Variants in SLC25A40 observed in about 807,000 individuals in gnomAD.
SLC25A40 encodes the protein mitochondrial glutathione transporter SLC25A40.
A neutral mutation model predicts 46.5 loss-of-function variants in SLC25A40; 41 were observed. The observed-to-expected ratio is 0.88, with a 90% CI of 0.69 to 1.14. The LOEUF (loss-of-function observed/expected upper bound fraction) is 1.14, where lower values mean the gene tolerates loss of function less well. Ranked by LOEUF, SLC25A40 falls within the 50% of genes most tolerant of loss-of-function variation. The pLI is 0.00. For synonymous variants in SLC25A40, 126 were observed against 127.5 expected, an observed-to-expected ratio of 0.99 and a Z score of 0.08; for missense variants, 386 against 393.6, an observed-to-expected ratio of 0.98 and a Z score of 0.16.
intron 8 of SLC25A40, among the ~76,000 whole-genome samples, chr7:87,846,165 T>C (rs955157981): frequency 6.6e-6 from 1 of 152,178 alleles, no homozygotes; most frequent in African/African-American, 2.4e-5. Flanking sequence ...TAGGTTAAAC[T>C]AAACAATATA....
intron 10 of SLC25A40, 127 bp from the exon 11 acceptor site, chr7:87,836,937 C>T: frequency 6.4e-6 from 3 of 469,574 alleles, no homozygotes; most frequent in Non-Finnish European, 1.1e-5. Flanking sequence ...GGTTTGTTTA[C>T]CTAAAAAGCT....
intron 2 of SLC25A40, among the ~76,000 whole-genome samples, chr7:87,860,331 A>T (rs1422713233): frequency 6.6e-6 from 1 of 152,216 alleles, no homozygotes; most frequent in Non-Finnish European, 1.5e-5. Context: ...TTCTCTGTCA[A>T]ATTACATATA....
chr7:87,847,116 G>A lies in SLC25A40; in HGVS notation c.464C>T (p.Ala155Val). ...TTCTAGTGGACTTATCACAGTTACT[G>A]CACCAACTAATACAAACAAGTTAAA... ...IVAGIVARFG[A>V]VTVISPLELI... is the part of the protein sequence containing the mutation. The change falls in exon 8 of 12, where the codon GCA becomes GTA. Residue 155 changes from alanine (A) to valine (V), a missense_variant. Ala to Val is a moderately conservative substitution (Grantham distance 64). Transcript: ENST00000341119. The A allele has an allele frequency of 3.1e-6, 5 of 1,600,854 alleles. No homozygotes were observed. The highest frequency in any genetic ancestry group is 1.1e-5 in the South Asian group (1 of 89,706).
At chr7:87,868,352 G>A (rs1838839049) in intron 1 of SLC25A40, among the ~76,000 whole-genome samples, 1 of 152,152 alleles carries the variant, frequency 6.6e-6, no homozygotes, top group East Asian at 1.9e-4. Context: ...AAATGTTTGG[G>A]GGTGAGGAGT....
chr7:87,868,063 T>C (rs1838833259), intron 1 of SLC25A40, among the ~76,000 whole-genome samples: 1 of 151,770 alleles, frequency 6.6e-6, no homozygotes, highest in African/African-American at 2.4e-5. Context: ...TCCCCACCTT[T>C]TACTCTGCCT....
chr7:87,840,494 T>TAC (rs1004401347), intron 10 of SLC25A40, among the ~76,000 whole-genome samples: 2 of 151,768 alleles, frequency 1.3e-5, no homozygotes, highest in African/African-American at 4.8e-5. Flanking sequence ...TGACCACCAC[T>TAC]ACCTCAATGC....
At chr7:87,855,027 T>G (rs1257226317) in intron 4 of SLC25A40, among the ~76,000 whole-genome samples, 1 of 151,746 alleles carries the variant, frequency 6.6e-6, no homozygotes, top group Admixed American at 6.6e-5. Flanking sequence ...CTGGGTGTGA[T>G]GGCACGTGCC....
At chr7:87,851,814 A>T (rs1838516544) in intron 5 of SLC25A40, among the ~76,000 whole-genome samples, 1 of 152,230 alleles carries the variant, frequency 6.6e-6, no homozygotes, top group East Asian at 1.9e-4. Context: ...AGAAAAAGAC[A>T]GCTAAAATAG....
chr7:87,836,770 C>T lies in SLC25A40; in HGVS notation c.864G>A (p.Lys288=), dbSNP rs1838262826. The T allele has an allele frequency of 6.5e-7, 1 of 1,541,484 alleles. No individual in the cohort carries two copies. Among genetic ancestry groups the T allele is most frequent in the Non-Finnish European group, 8.7e-7 (1 of 1,149,610 alleles). The change falls in exon 11 of 12, where the codon AAG becomes AAA. Residue 288 remains lysine (K), a synonymous_variant. Transcript: ENST00000341119. ...PLHMSTWIIM[K]NIVAKNGFSG... is the part of the protein sequence containing the mutation. ...AAAATCCATTTTTAGCAACAATGTT[C>T]TTCATTATAATCCAGGTTGACATAT...
At position 87,833,790 on chromosome 7, in the gene SLC25A40, A is replaced by ATTAG. The variant is rs1308364848; in HGVS notation, c.*2455_*2458dup. ...CACCCAGGTATTAAGCCTAGTACCC[A>ATTAG]TTAGTTATTTTTCCTGTTCCTCTCC... On this transcript the variant is annotated 3_prime_UTR_variant, in exon 12 of 12. Transcript: ENST00000341119. 1 of 151,862 alleles carries ATTAG rather than the reference A, an allele frequency of 6.6e-6. No individual in the cohort carries two copies. Among genetic ancestry groups the ATTAG allele is most frequent in the Non-Finnish European group, 1.5e-5 (1 of 67,892 alleles). 9.4% of individuals were successfully genotyped at this position (151,862 alleles called of 1,614,324 possible).
chr7:87,836,265 C>G lies in SLC25A40; in HGVS notation c.1001G>C (p.Arg334Pro). The G allele has an allele frequency of 6.3e-7, 1 of 1,584,170 alleles. No homozygotes were observed. The highest frequency in any genetic ancestry group is 8.6e-7 in the Non-Finnish European group (1 of 1,168,008). The change falls in exon 12 of 12, where the codon CGA (arginine) becomes CCA (proline). Residue 334 changes from arginine to proline, a missense_variant. Arg to Pro is a moderately radical substitution (Grantham distance 103). Coordinates refer to ENST00000341119, the MANE Select transcript of SLC25A40 (RefSeq NM_018843.4). ...ACAGCATCACTAGTATTGCTGCCTTCGAACATTTTGTTTCTGGAAAAAAGC... is the reference window on the plus strand; with the variant it reads ...ACAGCATCACTAGTATTGCTGCCTTGGAACATTTTGTTTCTGGAAAAAAGC... ...GKAFFQKQNV[R>P]RQQY
chr7:87,870,445 G>A (rs545478574), intron 1 of SLC25A40, among the ~76,000 whole-genome samples: 3 of 152,244 alleles, frequency 2.0e-5, no homozygotes, highest in Non-Finnish European at 4.4e-5. Flanking sequence ...GATGATGATA[G>A]GGACAAGAGG....
At chr7:87,859,147 G>A (rs1399733480) in intron 2 of SLC25A40, among the ~76,000 whole-genome samples, 3 of 152,102 alleles carry the variant, frequency 2.0e-5, no homozygotes, top group Non-Finnish European at 4.4e-5. Context: ...AATAACTTAT[G>A]AACTTACTAT....
At chr7:87,840,621 C>T (rs1473233577) in intron 10 of SLC25A40, among the ~76,000 whole-genome samples, 2 of 151,568 alleles carry the variant, frequency 1.3e-5, no homozygotes, top group African/African-American at 4.8e-5. Context: ...AAAAGAAGAA[C>T]GAAACAAAAT....
chr7:87,838,118 C>T (rs1010001392), intron 10 of SLC25A40, among the ~76,000 whole-genome samples: 1 of 151,402 alleles, frequency 6.6e-6, no homozygotes, highest in African/African-American at 2.4e-5. Context: ...GCTGTACTAG[C>T]AATAGCATAA....
At chr7:87,843,913 A>G in intron 8 of SLC25A40, 50 bp from the exon 9 acceptor site, 1 of 1,473,354 alleles carries the variant, frequency 6.8e-7, no homozygotes, top group Non-Finnish European at 9.3e-7. Context: ...TAAAATGTGG[A>G]CTTTAATAAA....
intron 3 of SLC25A40, among the ~76,000 whole-genome samples, chr7:87,856,690 C>G (rs1288489492): frequency 6.6e-6 from 1 of 152,040 alleles, no homozygotes; most frequent in Non-Finnish European, 1.5e-5. Flanking sequence ...TTGAGAATAA[C>G]TTTCTATAAG....
intron 1 of SLC25A40, among the ~76,000 whole-genome samples, chr7:87,870,795 T>G (rs1330888339): frequency 6.6e-6 from 1 of 152,192 alleles, no homozygotes; most frequent in Non-Finnish European, 1.5e-5. Context: ...CTCCCCTTCT[T>G]GCTGAGAGCC....
chr7:87,870,108 T>C (rs576849981), intron 1 of SLC25A40, among the ~76,000 whole-genome samples: 42 of 152,076 alleles, frequency 2.8e-4, no homozygotes, highest in East Asian at 2.3e-3. Context: ...TTTGGAGAAA[T>C]AGCTATTTAG....
Sources: gnomAD v4.1 joint callset for allele counts (sites outside exome capture counted in the v4.1 genomes callset) on GRCh38, gnomAD v4.1.1 for gene constraint, MANE v1.5 for transcripts, NCBI Gene and HGNC (gene_info 2026-07-23, HGNC 2026-07-21) for gene names.